Variants in VPS16 observed in about 807,000 individuals in gnomAD.
VPS16 encodes VPS16 core subunit of CORVET and HOPS complexes, also known as vacuolar protein sorting-associated protein 16 homolog.
Under a neutral mutation model 116.0 loss-of-function variants are expected in VPS16, and 82 were observed. That is an observed-to-expected ratio of 0.71 (90% CI 0.59 to 0.85). The LOEUF (loss-of-function observed/expected upper bound fraction) is 0.85. Ranked by LOEUF, VPS16 falls within the 40% of genes least tolerant of loss-of-function variation. The pLI is 0.00. For synonymous variants in VPS16, 406 were observed against 420.7 expected (o/e 0.96, Z 0.43); for missense variants, 928 against 1,090.6 (o/e 0.85, Z 2.10).
In VPS16 at chr20:2,863,190, C is replaced by G. The variant is rs2089260111; in HGVS notation, c.1367+90C>G. On this transcript the variant is annotated intron_variant, in intron 14 of 23. Coordinates refer to ENST00000380445, the MANE Select transcript of VPS16 (RefSeq NM_022575.4). The surrounding 1 kb of genome is among the most constrained non-coding windows in gnomAD (Gnocchi z 4.4). ...GGGTCTTATGGTCACTGCTCCTGAC[C>G]TATCTAGGATGTGGGAGGCCTGATG... 1 of 1,611,186 alleles carries G rather than the reference C, an allele frequency of 6.2e-7. No homozygotes were observed.
chr20:2,843,230 G>A (rs577481964), intron 1 of VPS16, among the ~76,000 whole-genome samples: 1 of 151,988 alleles, frequency 6.6e-6, no homozygotes, highest in African/African-American at 2.4e-5. Context: ...TCAAGAGTTC[G>A]AGATCAGCCT....
At chr20:2,846,041 C>A (rs1329020912) in intron 1 of VPS16, among the ~76,000 whole-genome samples, 1 of 151,922 alleles carries the variant, frequency 6.6e-6, no homozygotes, top group Non-Finnish European at 1.5e-5. Flanking sequence ...TGCTGGTAGC[C>A]CTTGGCTATT....
chr20:2,859,968 T>C, intron 2 of VPS16, 86 bp from the exon 3 acceptor site: 1 of 1,552,788 alleles, frequency 6.4e-7, no homozygotes, highest in Non-Finnish European at 8.9e-7. Context: ...TCACATGGGG[T>C]GGGCCTGGGG....
At position 2,865,513 on chromosome 20, in the gene VPS16, C is replaced by G; in HGVS notation, c.2271+18C>G. 1 of 1,608,272 alleles carries G rather than the reference C, an allele frequency of 6.2e-7. No individual in the cohort carries two copies. Among genetic ancestry groups the G allele is most frequent in the Non-Finnish European group, 8.5e-7 (1 of 1,176,336 alleles). ...GCTACCTGGTGAGGCAGGGTCCTCC[C>G]TCCAGCCCACTTCCAGTGAGGGTAG... On this transcript the variant is annotated intron_variant, in intron 22 of 23. Transcript: ENST00000380445. This position sits in a 1 kb window ranked among gnomAD's most constrained non-coding sequence, Gnocchi z 5.2.
chr20:2,841,176 GA>G (rs2088967741), intron 1 of VPS16: 2 of 340,368 alleles, frequency 5.9e-6, no homozygotes, highest in Non-Finnish European at 1.1e-5. Context: ...GGGGCGCTCC[GA>G]GGGGGGCGGG....
At chr20:2,841,481 A>G (rs1225905636) in intron 1 of VPS16, among the ~76,000 whole-genome samples, 2 of 152,110 alleles carry the variant, frequency 1.3e-5, no homozygotes, top group Non-Finnish European at 2.9e-5. Context: ...TCCTACCCAA[A>G]TCTTGCGTTC....
rs896842601 is a variant in VPS16, at chr20:2,865,758, A to G, written c.2271+263A>G. On this transcript the variant is annotated intron_variant, in intron 22 of 23. Transcript: ENST00000380445. This position sits in a 1 kb window ranked among gnomAD's most constrained non-coding sequence, Gnocchi z 5.2. The stretch of plus-strand genomic sequence containing the variant: ...CCCAGGGAGGGCCACAGGGGGCACT[A>G]TGTGCTAGAGGGAAAGTCTTGTCTG... Among the ~76,000 whole-genome samples the G allele has an allele frequency of 5.3e-5, 8 of 152,100 alleles. No individual in the cohort carries two copies. The highest frequency in any genetic ancestry group is 1.9e-4 in the African/African-American group (8 of 41,418).
At chr20:2,842,747 T>C (rs764030637) in intron 1 of VPS16, among the ~76,000 whole-genome samples, 4 of 143,738 alleles carry the variant, frequency 2.8e-5, no homozygotes, top group Non-Finnish European at 3.0e-5. Flanking sequence ...TAGATACATA[T>C]AGATGTATCT....
intron 1 of VPS16, among the ~76,000 whole-genome samples, chr20:2,856,716 G>A (rs988366665): frequency 6.6e-6 from 1 of 152,110 alleles, no homozygotes; most frequent in African/African-American, 2.4e-5. Context: ...CCATAGTCTC[G>A]TTTCAAGTAT....
intron 1 of VPS16, among the ~76,000 whole-genome samples, chr20:2,843,611 A>T (rs1328465463): frequency 6.6e-6 from 1 of 152,248 alleles, no homozygotes; most frequent in African/African-American, 2.4e-5. Flanking sequence ...TTGATACAAC[A>T]TTCACTTTTA....
Position 2,865,362 on chromosome 20 carries a change from C to G in VPS16, c.2175-37C>G, listed in dbSNP as rs1211444669. ...GCATGTGGGTCCCAGGACCACCTGC[C>G]TCTCCTGCAACACCTCCAAGCCCAG... On this transcript the variant is annotated intron_variant, in intron 21 of 23. Coordinates refer to ENST00000380445, the MANE Select transcript of VPS16 (RefSeq NM_022575.4). This position sits in a 1 kb window ranked among gnomAD's most constrained non-coding sequence, Gnocchi z 5.2. 2 of 1,613,898 alleles carry G rather than the reference C, an allele frequency of 1.2e-6. No individual in the cohort carries two copies. The highest frequency in any genetic ancestry group is 1.7e-6 in the Non-Finnish European group (2 of 1,179,856).
chr20:2,859,948 T>A (rs565126310), intron 2 of VPS16, 106 bp from the exon 3 acceptor site: 4 of 1,521,416 alleles, frequency 2.6e-6, no homozygotes, highest in Non-Finnish European at 3.6e-6. Context: ...CTGGTTTTTA[T>A]AGGCCTGCTT....
chr20:2,848,068 C>A lies in VPS16; in HGVS notation c.53+7241C>A, dbSNP rs182551752. Among the ~76,000 whole-genome samples, 419 of 152,184 alleles carry A rather than the reference C, an allele frequency of 2.8e-3. 2 individuals are homozygous for A. The highest frequency in any genetic ancestry group is 9.7e-3 in the African/African-American group (401 of 41,508). ...ACCTTCCAGTGCACCAGCCTCTCACCACCTCTGTACATGTACCCAGTCTGA... is the reference window on the plus strand; with the variant it reads ...ACCTTCCAGTGCACCAGCCTCTCACAACCTCTGTACATGTACCCAGTCTGA... On this transcript the variant is annotated intron_variant, in intron 1 of 23. Coordinates refer to ENST00000380445, the MANE Select transcript of VPS16 (RefSeq NM_022575.4).
chr20:2,854,410 C>T (rs1719041839), intron 1 of VPS16, among the ~76,000 whole-genome samples: 1 of 151,636 alleles, frequency 6.6e-6, no homozygotes, highest in Non-Finnish European at 1.5e-5. Context: ...TCCTGGGCAA[C>T]AGAGCAAGAC....
Position 2,861,850 on chromosome 20 carries a change from G to T in VPS16, c.945G>T (p.Gly315=). Residue 315 remains glycine, a synonymous_variant, in exon 10 of 24, where the codon GGG becomes GGT. Transcript: ENST00000380445. ...CCTACCTGGTGCCTGAGCTCGATGG[G>T]GTCCGCATCTTCTCCCGCAGCACCC... ...EDSYLVPELD[G]VRIFSRSTHE... The T allele has an allele frequency of 6.2e-7, 1 of 1,613,922 alleles. No individual in the cohort carries two copies. The highest frequency in any genetic ancestry group is 1.1e-5 in the South Asian group (1 of 90,984).
chr20:2,848,946 C>T (rs1013274451), intron 1 of VPS16, among the ~76,000 whole-genome samples: 6 of 152,110 alleles, frequency 3.9e-5, no homozygotes, highest in African/African-American at 1.4e-4. Context: ...ATTGGGGTCA[C>T]GTATTGTCTT....
chr20:2,855,136 T>C (rs888805086), intron 1 of VPS16, among the ~76,000 whole-genome samples: 7 of 151,854 alleles, frequency 4.6e-5, no homozygotes, highest in African/African-American at 1.7e-4. Context: ...AATTTTTGTA[T>C]TTTTAGTAGA....
chr20:2,847,845 C>T (rs2089077443), intron 1 of VPS16, among the ~76,000 whole-genome samples: 2 of 152,128 alleles, frequency 1.3e-5, no homozygotes, highest in Admixed American at 1.3e-4. Flanking sequence ...TTATACCCAT[C>T]CTTCAGCCTC....
chr20:2,847,822 A>T (rs2089077257), intron 1 of VPS16, among the ~76,000 whole-genome samples: 1 of 151,618 alleles, frequency 6.6e-6, no homozygotes, highest in East Asian at 1.9e-4. Flanking sequence ...CGATACTCTA[A>T]TACCTCCCCA....
Sources: allele counts gnomAD v4.1 joint callset (sites outside exome capture counted in the v4.1 genomes callset), GRCh38; gene constraint gnomAD v4.1.1; non-coding constraint Gnocchi (gnomAD v3.1); transcripts MANE v1.5; gene names NCBI Gene and HGNC (gene_info 2026-07-23, HGNC 2026-07-21).